The following MACROD2 variants were observed in gnomAD, a reference collection of about 807,000 sequenced individuals.
MACROD2 encodes the protein ADP-ribose glycohydrolase MACROD2.
In MACROD2, 36 loss-of-function variants were observed where a neutral mutation model predicts 70.4. The observed-to-expected ratio is 0.51, with a 90% confidence interval of 0.39 to 0.68. MACROD2 has a LOEUF of 0.68. Among genes scored for constraint, MACROD2 ranks in the 30% least tolerant of loss-of-function variants. MACROD2 has a pLI of 0.00. For synonymous variants in MACROD2, 172 were observed against 178.8 expected (o/e 0.96, Z 0.30); for missense variants, 496 against 538.4 (o/e 0.92, Z 0.78).
At position 15,829,688 on chromosome 20, in the gene MACROD2, T is replaced by C. The variant is rs2064033661; in HGVS notation, c.646-33057T>C. On this transcript the variant is annotated intron_variant, in intron 8 of 17. Coordinates refer to ENST00000684519, the MANE Select transcript of MACROD2 (RefSeq NM_001351661.2). ...TTGTTTTACTCATTCAAAAAGCATA[T>C]GAAGTGCCAGAGACACAGAGAAAGC... Among the ~76,000 whole-genome samples the C allele has an allele frequency of 2.6e-5, 4 of 152,186 alleles. No homozygotes were observed. The South Asian group carries it at 8.3e-4, about 31-fold the overall frequency.
Position 14,719,152 on chromosome 20 carries a change from AACTC to A in MACROD2, c.418+34194_418+34197del, listed in dbSNP as rs1315193128. On this transcript the variant is annotated intron_variant, in intron 5 of 17. Coordinates refer to ENST00000684519, the MANE Select transcript of MACROD2 (RefSeq NM_001351661.2). The stretch of plus-strand genomic sequence containing the variant: ...GAGTCTGAGGCAGGAGAATCACTTG[AACTC>A]GGGAGGCAGAGGTTGCAGTGAGCGA... 1.8e-4 allele frequency among the ~76,000 whole-genome samples: 27 copies of A among 152,234 alleles called. 1 individual carries two copies. The highest frequency in any genetic ancestry group is 3.4e-3 in the Middle Eastern group (1 of 294).
At chr20:15,497,559 G>A (rs2047313765) in intron 7 of MACROD2, among the ~76,000 whole-genome samples, 2 of 152,106 alleles carry the variant, frequency 1.3e-5, no homozygotes, top group African/African-American at 2.4e-5. Flanking sequence ...CAAAGTGCTG[G>A]AGTTACAGGC....
intron 3 of MACROD2, among the ~76,000 whole-genome samples, chr20:14,309,284 CT>C (rs1377265098): frequency 1.3e-5 from 2 of 152,108 alleles, no homozygotes; most frequent in African/African-American, 4.8e-5. Flanking sequence ...AACTTAGACC[CT>C]TCACGTAATT....
At chr20:15,386,712 C>T (rs1029495462) in intron 6 of MACROD2, among the ~76,000 whole-genome samples, 12 of 152,280 alleles carry the variant, frequency 7.9e-5, no homozygotes, top group African/African-American at 2.9e-4. Context: ...ATGTTCCTTC[C>T]AGGGGTGGGC....
intron 6 of MACROD2, among the ~76,000 whole-genome samples, chr20:15,403,429 A>C (rs2045957089): frequency 7.3e-6 from 1 of 136,128 alleles, no homozygotes; most frequent in East Asian, 1.9e-4. Context: ...AAGAAGAAGG[A>C]GGAGGAGGAG....
rs145653889 is a variant in MACROD2, at chr20:15,805,027, A to G, written c.646-57718A>G. Among the ~76,000 whole-genome samples, 3 of 152,296 alleles carry G rather than the reference A, an allele frequency of 2.0e-5. No individual in the cohort carries two copies. The East Asian group carries it at 5.8e-4, about 29-fold the overall frequency. ...ACAGTGGTTACGTGCTGAACAATGCATCCTTATTGACTCCCTTCTCTATCT... is the reference window on the plus strand; with the variant it reads ...ACAGTGGTTACGTGCTGAACAATGCGTCCTTATTGACTCCCTTCTCTATCT... On this transcript the variant is annotated intron_variant, in intron 8 of 17. Coordinates refer to ENST00000684519, the MANE Select transcript of MACROD2 (RefSeq NM_001351661.2).
At chr20:15,466,951 G>T (rs1264256893) in intron 7 of MACROD2, among the ~76,000 whole-genome samples, 1 of 152,214 alleles carries the variant, frequency 6.6e-6, no homozygotes, top group East Asian at 1.9e-4. Flanking sequence ...ATAATTTGCA[G>T]CTATTTATTG....
intron 5 of MACROD2, among the ~76,000 whole-genome samples, chr20:14,889,092 A>G (rs966551925): frequency 3.3e-5 from 5 of 152,176 alleles, no homozygotes; most frequent in Non-Finnish European, 7.3e-5. Context: ...ATACAGCAGT[A>G]TGAATAGAAA....
chr20:14,793,744 C>T (rs2072478520), intron 5 of MACROD2, among the ~76,000 whole-genome samples: 1 of 152,014 alleles, frequency 6.6e-6, no homozygotes, highest in Non-Finnish European at 1.5e-5. Context: ...GCTGATAACT[C>T]ACAGGCTGCA....
chr20:15,244,035 GATA>G (rs1199096625), intron 6 of MACROD2, among the ~76,000 whole-genome samples: 20 of 152,106 alleles, frequency 1.3e-4, no homozygotes, highest in African/African-American at 4.8e-4. Flanking sequence ...TAAATATGAA[GATA>G]ATAAGTACTC....
At chr20:14,961,620 T>C (rs2074584093) in intron 5 of MACROD2, among the ~76,000 whole-genome samples, 1 of 151,886 alleles carries the variant, frequency 6.6e-6, no homozygotes, top group African/African-American at 2.4e-5. Flanking sequence ...CTAGACCTCC[T>C]GGGCTCAAAC....
intron 6 of MACROD2, among the ~76,000 whole-genome samples, chr20:15,301,210 G>A (rs1325386865): frequency 1.3e-5 from 2 of 152,180 alleles, no homozygotes; most frequent in Non-Finnish European, 1.5e-5. Flanking sequence ...ATTCTAGGGG[G>A]CACAGTGGAA....
intron 3 of MACROD2, among the ~76,000 whole-genome samples, chr20:14,483,191 G>A (rs2084682454): frequency 6.6e-6 from 1 of 152,134 alleles, no homozygotes; most frequent in Admixed American, 6.5e-5. Flanking sequence ...TTGTACAAAA[G>A]CAGTGGGTGC....
At chr20:15,183,662 C>G (rs911526962) in intron 5 of MACROD2, among the ~76,000 whole-genome samples, 1 of 152,150 alleles carries the variant, frequency 6.6e-6, no homozygotes, top group Non-Finnish European at 1.5e-5. Context: ...AGAGTAAAAC[C>G]TCCTGATGTC....
chr20:15,693,423 A>G (rs1209190626), intron 8 of MACROD2, among the ~76,000 whole-genome samples: 1 of 152,012 alleles, frequency 6.6e-6, no homozygotes, highest in Non-Finnish European at 1.5e-5. Flanking sequence ...CCTGTGGTTC[A>G]CTTTCTATAA....
chr20:14,659,109 G>A (rs561252012), intron 4 of MACROD2, among the ~76,000 whole-genome samples: 2 of 152,170 alleles, frequency 1.3e-5, no homozygotes, highest in East Asian at 3.9e-4. Context: ...TAGTTCCTGA[G>A]ATCACACTGT....
chr20:14,111,449 A>C (rs1328805363), intron 3 of MACROD2, among the ~76,000 whole-genome samples: 1 of 152,104 alleles, frequency 6.6e-6, no homozygotes, highest in Admixed American at 6.6e-5. Context: ...AGATATTTGC[A>C]AACTACCCAT....
At chr20:15,220,059 T>A (rs1011206231) in intron 5 of MACROD2, among the ~76,000 whole-genome samples, 7 of 151,436 alleles carry the variant, frequency 4.6e-5, no homozygotes, top group Non-Finnish European at 8.8e-5. Context: ...AGTGTGATAG[T>A]GTTAGAATCT....
intron 8 of MACROD2, among the ~76,000 whole-genome samples, chr20:15,749,914 A>C (rs758929783): frequency 3.4e-4 from 51 of 152,128 alleles, no homozygotes; most frequent in Non-Finnish European, 6.8e-4. Flanking sequence ...AAGAAGACAC[A>C]CAGGAAATGC....
Sources: gnomAD v4.1 joint callset for allele counts (sites outside exome capture counted in the v4.1 genomes callset) on GRCh38, gnomAD v4.1.1 for gene constraint, MANE v1.5 for transcripts, NCBI Gene and HGNC (gene_info 2026-07-23, HGNC 2026-07-21) for gene names.